The following EPHB1 variants were observed in gnomAD, a reference collection of about 807,000 sequenced individuals.
EPHB1 encodes ephrin type-B receptor 1.
In EPHB1, 30 loss-of-function variants were observed where a neutral mutation model predicts 94.4. The observed-to-expected ratio is 0.32, with a 90% CI of 0.24 to 0.43. The LOEUF is 0.43. Among genes scored for constraint, EPHB1 ranks in the 20% least tolerant of loss-of-function variants. The pLI, the probability that EPHB1 is intolerant of heterozygous loss-of-function variation, is 1.00. For synonymous variants in EPHB1, 522 were observed against 489.1 expected (o/e 1.07, Z -0.89); for missense variants, 1,055 against 1,308.3 (o/e 0.81, Z 2.99).
chr3:134,949,615 T>C (rs1405124894), intron 2 of EPHB1, among the ~76,000 whole-genome samples: 1 of 152,228 alleles, frequency 6.6e-6, no homozygotes, highest in Non-Finnish European at 1.5e-5. Context: ...CCACTGTAAA[T>C]AATTAGCATA....
chr3:135,013,938 T>C (rs1294827180), intron 3 of EPHB1, among the ~76,000 whole-genome samples: 1 of 152,334 alleles, frequency 6.6e-6, no homozygotes, highest in East Asian at 1.9e-4. Context: ...GATGACCCTA[T>C]GTCTAATGGT....
At chr3:134,867,626 A>G (rs1320793922) in intron 1 of EPHB1, among the ~76,000 whole-genome samples, 1 of 152,242 alleles carries the variant, frequency 6.6e-6, no homozygotes, top group Non-Finnish European at 1.5e-5. Context: ...ACATGACTCC[A>G]GCTTCAACTT....
chr3:135,106,532 C>T lies in EPHB1; in HGVS notation c.890C>T (p.Ala297Val), dbSNP rs1576389049. Residue 297 changes from alanine to valine, a missense_variant, in exon 4 of 16, where the codon GCG (alanine) becomes GTG (valine). By Grantham distance (64) the Ala-to-Val change is moderately conservative. Coordinates refer to ENST00000398015, the MANE Select transcript of EPHB1 (RefSeq NM_004441.5). The stretch of plus-strand genomic sequence containing the variant: ...TCCAACAGCCGCTCCCCTGCAGAGG[C>T]GTCTCCCATCTGCACCTGTCGGACC... Reference protein sequence around the residue: ...CPSNSRSPAEASPICTCRTGY... With the variant: ...CPSNSRSPAEVSPICTCRTGY... The T allele has an allele frequency of 2.5e-6, 4 of 1,614,048 alleles. No individual in the cohort carries two copies. The highest frequency in any genetic ancestry group is 2.2e-5 in the East Asian group (1 of 44,884).
At chr3:135,092,298 C>G (rs1026184073) in intron 3 of EPHB1, among the ~76,000 whole-genome samples, 1 of 152,140 alleles carries the variant, frequency 6.6e-6, no homozygotes, top group Non-Finnish European at 1.5e-5. Flanking sequence ...TCAGAGTGAC[C>G]AAAGTGATGG....
chr3:134,804,071 A>ATTTTTTTTTTT (rs572201781), intron 1 of EPHB1, among the ~76,000 whole-genome samples: 6 of 43,748 alleles, frequency 1.4e-4, no homozygotes, highest in African/African-American at 3.8e-4. Context: ...ATTATTGGCT[A>ATTTTTTTTTTT]TTTTTTTTTT....
chr3:134,970,864 A>T (rs1459012200), intron 3 of EPHB1, among the ~76,000 whole-genome samples: 1 of 152,240 alleles, frequency 6.6e-6, no homozygotes, highest in Non-Finnish European at 1.5e-5. Context: ...ATATTGAATG[A>T]GGCTAATAAG....
chr3:135,202,242 T>C (rs1414541024), intron 12 of EPHB1, among the ~76,000 whole-genome samples: 1 of 152,214 alleles, frequency 6.6e-6, no homozygotes, highest in East Asian at 1.9e-4. Context: ...ACTGCCTAGT[T>C]CACACAATTT....
intron 1 of EPHB1, among the ~76,000 whole-genome samples, chr3:134,881,729 G>C (rs2037734591): frequency 6.6e-6 from 1 of 152,164 alleles, no homozygotes; most frequent in South Asian, 2.1e-4. Flanking sequence ...TTGAAAGGGA[G>C]GAAGAACCTC....
chr3:134,932,635 C>T (rs952094950), intron 2 of EPHB1, among the ~76,000 whole-genome samples: 1 of 151,906 alleles, frequency 6.6e-6, no homozygotes, highest in African/African-American at 2.4e-5. Context: ...AGGATAATAA[C>T]TCTGTCATAT....
rs147574152 is a variant in EPHB1 at position 135,109,997 on chromosome 3, C to G, written c.961+3394C>G. Among the ~76,000 whole-genome samples, 1,360 of 152,284 alleles carry G rather than the reference C, an allele frequency of 8.9e-3. 7 individuals are homozygous for G. The highest frequency in any genetic ancestry group is 0.015 in the Non-Finnish European group (998 of 68,026). On this transcript the variant is annotated intron_variant, in intron 4 of 15. Transcript: ENST00000398015. ...GGAGGTGAACAGCAATGTGAAACCC[C>G]GCACCATGTTGCAGGGCTTGGCTTC... is the stretch of plus-strand genomic sequence containing the variant.
intron 1 of EPHB1, among the ~76,000 whole-genome samples, chr3:134,844,923 C>T (rs2036843402): frequency 6.6e-6 from 1 of 152,196 alleles, no homozygotes; most frequent in South Asian, 2.1e-4. Context: ...TGTGGAGTCC[C>T]TGGAGAGCCT....
intron 4 of EPHB1, among the ~76,000 whole-genome samples, chr3:135,122,795 C>T (rs754675673): frequency 2.6e-5 from 4 of 152,178 alleles, no homozygotes; most frequent in Admixed American, 1.3e-4. Flanking sequence ...AAATGTGTAG[C>T]ACTAGGCTCT....
rs191140985 is a variant in EPHB1 at position 134,886,818 on chromosome 3, G to T, written c.59-38998G>T. On this transcript the variant is annotated intron_variant, in intron 1 of 15. Coordinates refer to ENST00000398015, the MANE Select transcript of EPHB1 (RefSeq NM_004441.5). ...CAGGCAGAGGGTGAGTTTGAGTTTC[G>T]TATCCAAAGTCACACAATTAGTGAC... Among the ~76,000 whole-genome samples, 191 of 151,950 alleles carry T rather than the reference G, an allele frequency of 1.3e-3. 2 individuals are homozygous for T. The highest frequency in any genetic ancestry group is 2.0e-3 in the Non-Finnish European group (139 of 67,976).
rs534245209 is a variant in EPHB1, at chr3:135,111,765, C to T, written c.961+5162C>T. The stretch of plus-strand genomic sequence containing the variant: ...CGTGATCTCAGCTCGCTGCAACCTC[C>T]ACCTCCCAGGTTCAAGCGATTCTCC... On this transcript the variant is annotated intron_variant, in intron 4 of 15. Transcript: ENST00000398015. Among the ~76,000 whole-genome samples, 4 of 152,282 alleles carry T rather than the reference C, an allele frequency of 2.6e-5. No homozygotes were observed. The South Asian group carries it at 8.3e-4, about 32-fold the overall frequency.
chr3:134,849,493 G>T (rs1258169288), intron 1 of EPHB1, among the ~76,000 whole-genome samples: 1 of 152,174 alleles, frequency 6.6e-6, no homozygotes, highest in Admixed American at 6.5e-5. Flanking sequence ...GGGAAATTTG[G>T]AGGGCATCTG....
intron 12 of EPHB1, among the ~76,000 whole-genome samples, chr3:135,237,277 T>TACACAC (rs10572168): frequency 4.0e-4 from 59 of 147,458 alleles, no homozygotes; most frequent in East Asian, 2.0e-3. Context: ...CACCAAATTC[T>TACACAC]ACACACACAC....
At chr3:135,172,142 G>T (rs1267811107) in intron 9 of EPHB1, among the ~76,000 whole-genome samples, 3 of 152,194 alleles carry the variant, frequency 2.0e-5, no homozygotes, top group Non-Finnish European at 4.4e-5. Context: ...GAAGAGAGCA[G>T]CTTGCTTGTG....
chr3:135,185,132 C>G (rs1334704990), intron 10 of EPHB1, among the ~76,000 whole-genome samples: 1 of 152,242 alleles, frequency 6.6e-6, no homozygotes, highest in Non-Finnish European at 1.5e-5. Flanking sequence ...AGTGATTCAA[C>G]ATTTCCAGGA....
intron 1 of EPHB1, among the ~76,000 whole-genome samples, chr3:134,878,458 G>A (rs1430750990): frequency 6.6e-6 from 1 of 152,156 alleles, no homozygotes; most frequent in East Asian, 1.9e-4. Context: ...TGAAGAGGTC[G>A]ACATCGTCAT....
Sources: gnomAD v4.1 joint callset for allele counts (sites outside exome capture counted in the v4.1 genomes callset) on GRCh38, gnomAD v4.1.1 for gene constraint, MANE v1.5 for transcripts, NCBI Gene and HGNC (gene_info 2026-07-23, HGNC 2026-07-21) for gene names.